ZNF423: variants seen among roughly 807,000 people sequenced by gnomAD.
The protein encoded by ZNF423 is Ebf-associated zinc finger protein.
Under a neutral mutation model 95.8 loss-of-function variants are expected in ZNF423, and 12 were observed. That is an observed-to-expected ratio of 0.13 (90% confidence interval 0.08 to 0.20). The LOEUF is 0.20. ZNF423 is among the 10% of genes least tolerant of loss of function. ZNF423 has a pLI of 1.00. For missense variants in ZNF423, 1,316 were observed against 1,737.1 expected, an observed-to-expected ratio of 0.76 and a Z score of 4.31; for synonymous variants, 749 against 711.9, an observed-to-expected ratio of 1.05 and a Z score of -0.83.
intron 1 of ZNF423, among the ~76,000 whole-genome samples, chr16:49,814,497 A>G (rs1406912777): frequency 1.3e-5 from 2 of 150,890 alleles, no homozygotes; most frequent in African/African-American, 4.9e-5. Flanking sequence ...TTTTCCAACA[A>G]TGGGACAGGA....
intron 3 of ZNF423, among the ~76,000 whole-genome samples, chr16:49,668,937 G>A: frequency 6.6e-6 from 1 of 152,186 alleles, no homozygotes; most frequent in South Asian, 2.1e-4. Flanking sequence ...CTTACTTGAG[G>A]ACTGAAGGGA....
chr16:49,804,636 C>G (rs565503181), intron 1 of ZNF423, among the ~76,000 whole-genome samples: 2 of 152,270 alleles, frequency 1.3e-5, no homozygotes, highest in East Asian at 3.9e-4. Flanking sequence ...TCACCTCCTC[C>G]AAGAAGTCTT....
intron 4 of ZNF423, 145 bp from the exon 5 acceptor site, chr16:49,626,399 C>T (rs2049830088): frequency 4.6e-6 from 3 of 656,494 alleles, no homozygotes; most frequent in Non-Finnish European, 7.9e-6. Context: ...CTCTTCCCAC[C>T]TTCCTCTAAA....
intron 2 of ZNF423, among the ~76,000 whole-genome samples, chr16:49,776,435 G>A (rs1485394634): frequency 6.6e-6 from 1 of 152,172 alleles, no homozygotes. Flanking sequence ...CCTGCTCCGA[G>A]GCCACCCGGG....
rs116592118 is a variant in ZNF423 at position 49,689,506 on chromosome 16, C to T, written c.301+41265G>A. On this transcript the variant is annotated intron_variant, in intron 3 of 7. Coordinates refer to ENST00000563137, the MANE Select transcript of ZNF423 (RefSeq NM_001379286.1). Reference sequence around the variant, plus strand: ...ATATTTGCAAAGATATGCTGCTTTCCTGAAGTATTTTCAGAAACATTAAAA... The same window carrying T: ...ATATTTGCAAAGATATGCTGCTTTCTTGAAGTATTTTCAGAAACATTAAAA... Among the ~76,000 whole-genome samples the T allele has an allele frequency of 9.8e-3, 1,489 of 152,230 alleles. 22 individuals are homozygous for T. Among genetic ancestry groups the T allele is most frequent in the African/African-American group, 0.034 (1,411 of 41,530 alleles).
At chr16:49,683,416 G>A (rs1052413500) in intron 3 of ZNF423, among the ~76,000 whole-genome samples, 19 of 152,050 alleles carry the variant, frequency 1.2e-4, no homozygotes, top group Admixed American at 3.9e-4. Context: ...CTTTGGAATC[G>A]CAAATTTCAG....
intron 5 of ZNF423, among the ~76,000 whole-genome samples, chr16:49,575,738 C>T (rs1198412394): frequency 6.6e-6 from 1 of 152,206 alleles, no homozygotes; most frequent in East Asian, 1.9e-4. Flanking sequence ...CTTGACTGAG[C>T]ATGCAAATCA....
At chr16:49,753,342 C>A (rs2033665861) in intron 2 of ZNF423, among the ~76,000 whole-genome samples, 1 of 151,956 alleles carries the variant, frequency 6.6e-6, no homozygotes, top group Non-Finnish European at 1.5e-5. Flanking sequence ...TGGCTCACAC[C>A]TATAATACTA....
At position 49,730,916 on chromosome 16, in the gene ZNF423, G is replaced by C. The variant is rs1394717332; in HGVS notation, c.156C>G (p.Asp52Glu). 3 of 1,614,046 alleles carry C rather than the reference G, an allele frequency of 1.9e-6. No individual in the cohort carries two copies. The Admixed American group carries it at 5.0e-5, about 27-fold the overall frequency. ...CCTCTTGACTTGTCACGCTGTTCCT[G>C]TCTTCCAGCGCACGGCTGGTTTTCT... is the stretch of plus-strand genomic sequence containing the variant. ...CDQKTSRALE[D>E]RNSVTSQEER... Residue 52 changes from aspartate (D) to glutamate (E), a missense_variant, in exon 3 of 8, where the codon GAC (aspartate) becomes GAG (glutamate). Coordinates refer to ENST00000563137, the MANE Select transcript of ZNF423 (RefSeq NM_001379286.1).
chr16:49,568,074 T>A (rs1970247724), intron 5 of ZNF423, among the ~76,000 whole-genome samples: 1 of 152,046 alleles, frequency 6.6e-6, no homozygotes, highest in African/African-American at 2.4e-5. Context: ...TGTCTCTGGA[T>A]AAAGAGACTG....
chr16:49,806,603 GA>G (rs2034667225), intron 1 of ZNF423, among the ~76,000 whole-genome samples: 1 of 152,126 alleles, frequency 6.6e-6, no homozygotes, highest in South Asian at 2.1e-4. Context: ...GTCTGTCATT[GA>G]AAACTGATTT....
intron 2 of ZNF423, among the ~76,000 whole-genome samples, chr16:49,750,801 T>G (rs188107339): frequency 8.5e-4 from 130 of 152,270 alleles, no homozygotes; most frequent in Non-Finnish European, 1.5e-3. Context: ...AGACGCCAGC[T>G]CCAGCCAGAG....
At position 49,762,194 on chromosome 16, in the gene ZNF423, T is replaced by C. The variant is rs138339412; in HGVS notation, c.100+27293A>G. On this transcript the variant is annotated intron_variant, in intron 2 of 7. Transcript: ENST00000563137. ...CCGTGCCCAGACACCTAGAGAAGCA[T>C]TATGTTCAGAACTGCCAGCCCTTTC... Among the ~76,000 whole-genome samples, 9 of 152,248 alleles carry C rather than the reference T, an allele frequency of 5.9e-5. No homozygotes were observed. The East Asian group carries it at 1.7e-3, about 29-fold the overall frequency.
intron 2 of ZNF423, among the ~76,000 whole-genome samples, chr16:49,775,008 C>G (rs922099513): frequency 1.7e-4 from 26 of 152,148 alleles, no homozygotes; most frequent in Non-Finnish European, 4.4e-5. Context: ...AGGAAAGTTA[C>G]CCCAGCAGCT....
chr16:49,627,286 T>C (rs1972323321), intron 4 of ZNF423, among the ~76,000 whole-genome samples: 1 of 131,200 alleles, frequency 7.6e-6, no homozygotes, highest in Non-Finnish European at 1.6e-5. Flanking sequence ...CCATCCTCCA[T>C]CTACCCATCC....
At chr16:49,592,585 T>C (rs1274296637) in intron 5 of ZNF423, among the ~76,000 whole-genome samples, 2 of 152,242 alleles carry the variant, frequency 1.3e-5, no homozygotes, top group Admixed American at 1.3e-4. Context: ...CCATAAGCCA[T>C]GAACCAAAAC....
intron 5 of ZNF423, among the ~76,000 whole-genome samples, chr16:49,525,758 G>C (rs945081595): frequency 6.6e-6 from 1 of 152,162 alleles, no homozygotes; most frequent in Non-Finnish European, 1.5e-5. Context: ...CAAGCAGCCA[G>C]GTGTGCAGGC....
chr16:49,826,590 T>C (rs891670869), intron 1 of ZNF423, among the ~76,000 whole-genome samples: 4 of 152,182 alleles, frequency 2.6e-5, no homozygotes, highest in African/African-American at 4.8e-5. Context: ...ACCAACCTCA[T>C]AGAGTTGCTG....
chr16:49,550,447 A>G (rs961045340), intron 5 of ZNF423, among the ~76,000 whole-genome samples: 1 of 152,268 alleles, frequency 6.6e-6, no homozygotes, highest in East Asian at 1.9e-4. Flanking sequence ...TGTGGAAAAC[A>G]CTGCCTATTT....
Sources: gnomAD v4.1 joint callset for allele counts (sites outside exome capture counted in the v4.1 genomes callset) on GRCh38, gnomAD v4.1.1 for gene constraint, MANE v1.5 for transcripts, NCBI Gene and HGNC (gene_info 2026-07-23, HGNC 2026-07-21) for gene names.